KPNA4: variants seen among roughly 807,000 people sequenced by gnomAD.
The protein encoded by KPNA4 is karyopherin subunit alpha 4, also known as importin subunit alpha-3.
In KPNA4, 13 loss-of-function variants were observed where a neutral mutation model predicts 71.3. The observed-to-expected ratio is 0.18, with a 90% CI of 0.12 to 0.29. KPNA4 has a LOEUF of 0.29. Among genes scored for constraint, KPNA4 ranks in the 10% least tolerant of loss-of-function variants. KPNA4 has a pLI of 1.00. For missense variants in KPNA4, 334 were observed against 603.2 expected (o/e 0.55, Z 4.67); for synonymous variants, 189 against 195.2 (o/e 0.97, Z 0.26).
intron 12 of KPNA4, 33 bp downstream of exon 12, chr3:160,515,418 TG>T: frequency 1.3e-6 from 2 of 1,527,756 alleles, no homozygotes; most frequent in South Asian, 2.3e-5. Context: ...ACATTTTAAG[TG>T]CTATCTATTA....
intron 1 of KPNA4, among the ~76,000 whole-genome samples, chr3:160,555,624 T>C (rs1722121835): frequency 6.6e-6 from 1 of 152,154 alleles, no homozygotes; most frequent in South Asian, 2.1e-4. Context: ...TCTCTAAATA[T>C]TAATATCTTG....
chr3:160,520,813 T>C (rs1002931943), intron 11 of KPNA4, among the ~76,000 whole-genome samples: 1 of 152,184 alleles, frequency 6.6e-6, no homozygotes, highest in African/African-American at 2.4e-5. Context: ...GTTTCTCTTA[T>C]GCGATTATTG....
chr3:160,553,977 T>C, intron 1 of KPNA4, among the ~76,000 whole-genome samples: 1 of 152,196 alleles, frequency 6.6e-6, no homozygotes, highest in East Asian at 1.9e-4. Context: ...TATTAGAATG[T>C]AAACTTCATA....
chr3:160,539,612 A>G (rs1053392866), intron 1 of KPNA4, among the ~76,000 whole-genome samples: 1 of 152,238 alleles, frequency 6.6e-6, no homozygotes, highest in Non-Finnish European at 1.5e-5. Flanking sequence ...TACCAACACA[A>G]TGAGCTTTGC....
chr3:160,537,508 A>G (rs1280776911), intron 1 of KPNA4, among the ~76,000 whole-genome samples: 1 of 151,604 alleles, frequency 6.6e-6, no homozygotes, highest in African/African-American at 2.4e-5. Context: ...TACTACAGGC[A>G]TGTGTGTTCA....
chr3:160,516,622 A>T (rs1216566539), intron 11 of KPNA4, among the ~76,000 whole-genome samples: 3 of 151,890 alleles, frequency 2.0e-5, no homozygotes, highest in Non-Finnish European at 4.4e-5. Context: ...TCTACAAAAT[A>T]TTAGCTGGGT....
At chr3:160,503,885 T>G (rs1267553722) in intron 16 of KPNA4, among the ~76,000 whole-genome samples, 2 of 152,108 alleles carry the variant, frequency 1.3e-5, no homozygotes, top group African/African-American at 4.8e-5. Flanking sequence ...GAGTTCAAGC[T>G]CAGCCAGGGC....
chr3:160,497,582 T>C lies in KPNA4; in HGVS notation c.*4522A>G, dbSNP rs1331784057. The C allele has an allele frequency of 1.3e-5, 2 of 152,236 alleles. No homozygotes were observed. Among genetic ancestry groups the C allele is most frequent in the African/African-American group, 4.8e-5 (2 of 41,460 alleles). The allele number at this position is 152,236 out of a possible 1,614,324, so 9.4% of individuals were successfully genotyped here. On this transcript the variant is annotated 3_prime_UTR_variant, in exon 17 of 17. Transcript: ENST00000334256. ...CTTTAAGTGTTCAAAATGTCAAGTT[T>C]GTTAGGCATCAGTTTGTTAGTGTTT...
Position 160,501,393 on chromosome 3 carries a change from C to CTTT in KPNA4, c.*710_*711insAAA, listed in dbSNP as rs1176009747. On this transcript the variant is annotated 3_prime_UTR_variant, in exon 17 of 17. Coordinates refer to ENST00000334256, the MANE Select transcript of KPNA4 (RefSeq NM_002268.5). ...CTGCAGAGTAAACCAATGTCTGCTG[C>CTTT]TAAACCAGTCTTTGTTTTCATGTCC... The CTTT allele has an allele frequency of 1.2e-4, 18 of 152,412 alleles. No individual in the cohort carries two copies. Among genetic ancestry groups the CTTT allele is most frequent in the Non-Finnish European group, 1.5e-5 (1 of 67,994 alleles). The allele number at this position is 152,412 out of a possible 1,614,324, so 9.4% of individuals were successfully genotyped here.
chr3:160,561,623 G>A (rs4679894), intron 1 of KPNA4, among the ~76,000 whole-genome samples: 22,487 of 151,998 alleles, frequency 0.15, 2,135 homozygotes, highest in Non-Finnish European at 0.21. Flanking sequence ...TGAAATCTAT[G>A]AATAACTTTC....
intron 1 of KPNA4, among the ~76,000 whole-genome samples, chr3:160,546,047 T>C (rs1317012081): frequency 6.6e-6 from 1 of 151,272 alleles, no homozygotes; most frequent in African/African-American, 2.4e-5. Flanking sequence ...GTCTGTTGAA[T>C]CTTGAGTTCA....
intron 7 of KPNA4, among the ~76,000 whole-genome samples, chr3:160,529,235 CATTT>C (rs1220344191): frequency 3.9e-5 from 6 of 152,024 alleles, no homozygotes; most frequent in East Asian, 3.8e-4. Context: ...TGCCCAACCT[CATTT>C]ATTTATTTAT....
chr3:160,499,272 A>G lies in KPNA4; in HGVS notation c.*2832T>C, dbSNP rs375554854. 1.9e-4 allele frequency: 29 copies of G among 152,322 alleles called. No homozygotes were observed. The highest frequency in any genetic ancestry group is 6.5e-4 in the African/African-American group (27 of 41,564). The allele number at this position is 152,322 out of a possible 1,614,324, so 9.4% of individuals were successfully genotyped here. A position where few individuals can be genotyped will look rare whatever the true frequency, so the allele number is the denominator to read the frequency against. On this transcript the variant is annotated 3_prime_UTR_variant, in exon 17 of 17. Transcript: ENST00000334256. The stretch of plus-strand genomic sequence containing the variant: ...AAAATTACAAAGGAAATATATTTAA[A>G]GATAGATTTTAGACTAGGGCGTCTC...
intron 10 of KPNA4, among the ~76,000 whole-genome samples, chr3:160,523,667 G>A (rs1721402817): frequency 6.6e-6 from 1 of 152,070 alleles, no homozygotes; most frequent in Non-Finnish European, 1.5e-5. Flanking sequence ...GGCCAACATA[G>A]TGAAACCCTG....
At chr3:160,510,578 T>C (rs186450980) in intron 13 of KPNA4, among the ~76,000 whole-genome samples, 3 of 152,196 alleles carry the variant, frequency 2.0e-5, no homozygotes, top group Admixed American at 1.3e-4. Context: ...AAAAACCACA[T>C]AAATAAAAGA....
At chr3:160,518,556 C>T (rs1480438438) in intron 11 of KPNA4, among the ~76,000 whole-genome samples, 2 of 151,492 alleles carry the variant, frequency 1.3e-5, no homozygotes, top group East Asian at 2.0e-4. Flanking sequence ...ATTGGCTTGG[C>T]TTCCTTATTG....
chr3:160,541,674 C>T (rs555767691), intron 1 of KPNA4, among the ~76,000 whole-genome samples: 29 of 151,802 alleles, frequency 1.9e-4, no homozygotes, highest in African/African-American at 7.0e-4. Flanking sequence ...CACACACACA[C>T]ACACACACGC....
At chr3:160,540,221 G>T (rs572707507) in intron 1 of KPNA4, among the ~76,000 whole-genome samples, 1 of 151,790 alleles carries the variant, frequency 6.6e-6, no homozygotes. Flanking sequence ...GGCTGGTCTC[G>T]AACTCCTGAC....
In KPNA4 at chr3:160,502,093, A is replaced by G; in HGVS notation, c.*11T>C. On this transcript the variant is annotated 3_prime_UTR_variant, in exon 17 of 17. Coordinates refer to ENST00000334256, the MANE Select transcript of KPNA4 (RefSeq NM_002268.5). Reference sequence around the variant, plus strand: ...CAGTGCTGCATTGTACCTAACTTCCACAACATCTTTCTAAAACTGGAACCC... The same window carrying G: ...CAGTGCTGCATTGTACCTAACTTCCGCAACATCTTTCTAAAACTGGAACCC... 1 of 1,493,324 alleles carries G rather than the reference A, an allele frequency of 6.7e-7. No individual in the cohort carries two copies. The highest frequency in any genetic ancestry group is 1.2e-5 in the South Asian group (1 of 83,580). The allele number at this position is 1,493,324 out of a possible 1,614,324, so 92.5% of individuals were successfully genotyped here.
Sources: allele counts gnomAD v4.1 joint callset (sites outside exome capture counted in the v4.1 genomes callset), GRCh38; gene constraint gnomAD v4.1.1; transcripts MANE v1.5; gene names NCBI Gene and HGNC (gene_info 2026-07-23, HGNC 2026-07-21).